E2F6: variants seen among roughly 807,000 people sequenced by gnomAD.
E2F6 encodes transcription factor E2F6.
E2F6 carries 19 observed loss-of-function variants against 31.5 expected under a neutral mutation model. The ratio of observed to expected loss-of-function variants is 0.60; its 90% CI spans 0.42 to 0.89. The LOEUF (loss-of-function observed/expected upper bound fraction) is 0.89. Ranked by LOEUF, E2F6 falls within the 40% of genes least tolerant of loss-of-function variation. The pLI is 0.00. For synonymous variants in E2F6, 121 were observed against 127.7 expected (o/e 0.95, Z 0.36); for missense variants, 269 against 341.6 (o/e 0.79, Z 1.67).
chr2:11,451,925 A>G (rs1439369746), intron 3 of E2F6, 119 bp from the exon 4 acceptor site: 1 of 942,736 alleles, frequency 1.1e-6, no homozygotes, highest in East Asian at 2.7e-5. Flanking sequence ...AACAATAGAA[A>G]CTAGGGACTT....
In E2F6 at chr2:11,450,054, T is replaced by C; in HGVS notation, c.609A>G (p.Lys203=). ...CATCCAATCTGGTTTCTGCTGGAGC[T>C]TTAACTGCAATGACGATCTGTTCAT... is the stretch of plus-strand genomic sequence containing the variant. ...AFHEQIVIAV[K]APAETRLDVP... Residue 203 remains lysine, a synonymous_variant, in exon 5 of 7, where the codon AAA becomes AAG. Coordinates refer to ENST00000381525, the MANE Select transcript of E2F6 (RefSeq NM_198256.4). 6.2e-7 allele frequency: 1 copy of C among 1,613,726 alleles called. No homozygotes were observed. The highest frequency in any genetic ancestry group is 1.1e-5 in the South Asian group (1 of 91,056).
chr2:11,465,794 G>T lies in E2F6; in HGVS notation c.86C>A (p.Pro29His), dbSNP rs1672162016. The T allele has an allele frequency of 6.2e-7, 1 of 1,600,780 alleles. No individual in the cohort carries two copies. The highest frequency in any genetic ancestry group is 2.3e-5 in the East Asian group (1 of 44,228). Residue 29 changes from proline (P) to histidine (H), a missense_variant, in exon 1 of 7, where the codon CCC becomes CAC. Transcript: ENST00000381525. ...TACCAGCAGGCCCTCCACGTTGATG[G>T]GGTCTCGGCACCGACGGCGAACCGT... Reference protein sequence around the residue: ...EETVRRRCRDPINVEGLLPSK... With the variant: ...EETVRRRCRDHINVEGLLPSK...
intron 6 of E2F6, 62 bp downstream of exon 6, chr2:11,447,565 T>C (rs1670795071): frequency 2.6e-6 from 4 of 1,564,394 alleles, no homozygotes; most frequent in South Asian, 2.3e-5. Flanking sequence ...AAGGCCATAA[T>C]ACACATTAAT....
chr2:11,458,763 A>G (rs1671575454), intron 1 of E2F6, among the ~76,000 whole-genome samples: 1 of 152,204 alleles, frequency 6.6e-6, no homozygotes, highest in African/African-American at 2.4e-5. Context: ...AGCATCTATT[A>G]ACAAATCACC....
At chr2:11,451,869 T>A in intron 3 of E2F6, 63 bp from the exon 4 acceptor site, 1 of 1,492,540 alleles carries the variant, frequency 6.7e-7, no homozygotes, top group Non-Finnish European at 9.1e-7. Context: ...AATTTCAAGT[T>A]AGGTTATTGG....
intron 3 of E2F6, among the ~76,000 whole-genome samples, chr2:11,453,309 T>C (rs752665228): frequency 6.6e-6 from 1 of 152,248 alleles, no homozygotes; most frequent in Non-Finnish European, 1.5e-5. Context: ...AGTAAGCCTC[T>C]AGGTGTTTAC....
rs1046981520 is a variant in E2F6, at chr2:11,445,422, T to C, written c.*1055A>G. The C allele has an allele frequency of 6.6e-6, 1 of 152,648 alleles. No individual in the cohort carries two copies. The highest frequency in any genetic ancestry group is 2.4e-5 in the African/African-American group (1 of 41,462). 9.5% of individuals were successfully genotyped at this position (152,648 alleles called of 1,614,324 possible). On this transcript the variant is annotated 3_prime_UTR_variant, in exon 7 of 7. Transcript: ENST00000381525. ...TCTAATGGTAAACTACAGAGTAAAC[T>C]GAGGCACAGAGTGGTAAATGACTTA...
At chr2:11,465,114 G>A (rs999100243) in intron 1 of E2F6, among the ~76,000 whole-genome samples, 23 of 143,028 alleles carry the variant, frequency 1.6e-4, no homozygotes, top group African/African-American at 6.0e-4. Context: ...GGAGGTGGGG[G>A]TTGCAGTGAG....
At chr2:11,459,514 A>C (rs1281560730) in intron 1 of E2F6, among the ~76,000 whole-genome samples, 2 of 152,172 alleles carry the variant, frequency 1.3e-5, no homozygotes. Flanking sequence ...CAAATACAAA[A>C]ACACTCTATC....
At position 11,457,372 on chromosome 2, in the gene E2F6, C is replaced by T; in HGVS notation, c.109-139G>A. The stretch of plus-strand genomic sequence containing the variant: ...TGGGCAGAGGCTCACGCCTGTAATC[C>T]CAGCACTTTGGGAGGCCGAGGCAGG... On this transcript the variant is annotated intron_variant, in intron 1 of 6. Coordinates refer to ENST00000381525, the MANE Select transcript of E2F6 (RefSeq NM_198256.4). 6.7e-6 allele frequency: 4 copies of T among 600,766 alleles called. No homozygotes were observed. The South Asian group carries it at 7.9e-5, about 12-fold the overall frequency. The allele number at this position is 600,766 out of a possible 1,614,324, so 37.2% of individuals were successfully genotyped here.
At chr2:11,461,728 C>T (rs1015204586) in intron 1 of E2F6, among the ~76,000 whole-genome samples, 18 of 152,182 alleles carry the variant, frequency 1.2e-4, no homozygotes, top group African/African-American at 4.3e-4. Flanking sequence ...ATTTCAGCCC[C>T]ATGGCTACAG....
intron 1 of E2F6, 63 bp downstream of exon 1, chr2:11,465,709 G>A (rs991453651): frequency 1.3e-6 from 2 of 1,518,570 alleles, no homozygotes; most frequent in African/African-American, 1.4e-5. Context: ...TGGCGGCGGC[G>A]CGGGGAGGAG....
intron 3 of E2F6, among the ~76,000 whole-genome samples, chr2:11,452,536 G>A (rs554161793): frequency 6.6e-6 from 1 of 152,150 alleles, no homozygotes; most frequent in East Asian, 1.9e-4. Flanking sequence ...CCCAGGAGGT[G>A]GAGGTTGCAG....
At position 11,453,581 on chromosome 2, in the gene E2F6, C is replaced by G; in HGVS notation, c.380+1G>C. ...CACGAAAAAGTTTGAAAGCAACTCA[C>G]ATCCATCTAATATGGTTCTTGGATT... On this transcript the variant is annotated splice_donor_variant, in intron 3 of 6. Coordinates refer to ENST00000381525, the MANE Select transcript of E2F6 (RefSeq NM_198256.4). LOFTEE classifies it high-confidence loss of function. 1 of 1,613,590 alleles carries G rather than the reference C, an allele frequency of 6.2e-7. No homozygotes were observed. Among genetic ancestry groups the G allele is most frequent in the Non-Finnish European group, 8.5e-7 (1 of 1,179,796 alleles).
chr2:11,461,683 G>C (rs1247991138), intron 1 of E2F6, among the ~76,000 whole-genome samples: 3 of 152,198 alleles, frequency 2.0e-5, no homozygotes, highest in Non-Finnish European at 2.9e-5. Context: ...AATTTGGCCA[G>C]TTACATGATG....
intron 1 of E2F6, chr2:11,458,395 T>C (rs1403698626): frequency 1.3e-6 from 2 of 1,542,986 alleles, no homozygotes; most frequent in East Asian, 4.9e-5. Context: ...GTACCGGAAA[T>C]GAACAAAGGT....
Position 11,465,995 on chromosome 2 carries a change from G to C in E2F6, c.-116C>G. On this transcript the variant is annotated 5_prime_UTR_variant, in exon 1 of 7. Transcript: ENST00000381525. ...TTTCCAAGGGCCCAGCACCTAAGGG[G>C]TCCGCGGCTTCCTCCGAGGCGCCGC... 1.1e-6 allele frequency: 1 copy of C among 947,046 alleles called. No individual in the cohort carries two copies. The highest frequency in any genetic ancestry group is 3.3e-5 in the East Asian group (1 of 30,524). The allele number at this position is 947,046 out of a possible 1,614,324, so 58.7% of individuals were successfully genotyped here. A position where few individuals can be genotyped will look rare whatever the true frequency, so the allele number is the denominator to read the frequency against.
chr2:11,459,271 G>A (rs944855589), intron 1 of E2F6, among the ~76,000 whole-genome samples: 1 of 152,028 alleles, frequency 6.6e-6, no homozygotes, highest in East Asian at 1.9e-4. Context: ...AGGCTGCCTC[G>A]CTAGCTATGC....
At chr2:11,465,704 G>A (rs1672147650) in intron 1 of E2F6, 68 bp downstream of exon 1, 2 of 1,510,596 alleles carry the variant, frequency 1.3e-6, no homozygotes, top group Admixed American at 4.0e-5. Flanking sequence ...GGGGTTGGCG[G>A]CGGCGCGGGG....
Sources: gnomAD v4.1 joint callset for allele counts (sites outside exome capture counted in the v4.1 genomes callset) on GRCh38, gnomAD v4.1.1 for gene constraint, MANE v1.5 for transcripts, NCBI Gene and HGNC (gene_info 2026-07-23, HGNC 2026-07-21) for gene names.